SLC34A3: variants seen among roughly 807,000 people sequenced by gnomAD.
SLC34A3 encodes sodium-dependent phosphate transport protein 2C.
In SLC34A3, 60 loss-of-function variants were observed where a neutral mutation model predicts 43.9. The observed-to-expected ratio is 1.37, with a 90% CI of 1.11 to 1.70. SLC34A3 has a LOEUF of 1.70. Ranked by LOEUF, SLC34A3 falls within the 40% of genes most tolerant of loss-of-function variation. The pLI is 0.00. For missense variants in SLC34A3, 969 were observed against 823.8 expected (o/e 1.18, Z -2.16); for synonymous variants, 451 against 386.2 (o/e 1.17, Z -1.97).
chr9:137,230,553 G>A (rs1041227907), upstream of SLC34A3, among the ~76,000 whole-genome samples: 78 of 152,324 alleles, frequency 5.1e-4, no homozygotes, highest in African/African-American at 1.8e-3. Context: ...CTCCCGGGCA[G>A]CCCCAGCCAT....
In SLC34A3 at chr9:137,236,190, T is replaced by C. The variant is rs1431328221; in HGVS notation, c.1574T>C (p.Val525Ala). 1.2e-6 allele frequency: 2 copies of C among 1,601,688 alleles called. No homozygotes were observed. Among genetic ancestry groups the C allele is most frequent in the Admixed American group, 3.4e-5 (2 of 58,914 alleles). ...GTCGGGGGTCCCCTGGTGGGGCTGGTGCTCCTCGTCATCCTGGTTACTGTC... is the reference window on the plus strand; with the variant it reads ...GTCGGGGGTCCCCTGGTGGGGCTGGCGCTCCTCGTCATCCTGGTTACTGTC... ...AAVGGPLVGL[V>A]LLVILVTVLQ... The change falls in exon 13 of 13, where the codon GTG (valine) becomes GCG (alanine). Residue 525 changes from valine (V) to alanine (A), a missense_variant. Val to Ala is a moderately conservative substitution (Grantham distance 64). Transcript: ENST00000673835.
At position 137,233,859 on chromosome 9, in the gene SLC34A3, C is replaced by T. The variant is rs367757493; in HGVS notation, c.847-4C>T. On this transcript the variant is annotated splice_region_variant and splice_polypyrimidine_tract_variant and intron_variant, in intron 8 of 12. Transcript: ENST00000673835. ...CTGTCCTGAGTCCTCCCTGCCCTCC[C>T]CAGACCCAGGAGAACAGCAGCTGTG... The T allele has an allele frequency of 1.9e-6, 3 of 1,607,804 alleles. No individual in the cohort carries two copies. The highest frequency in any genetic ancestry group is 2.2e-5 in the East Asian group (1 of 44,688).
At position 137,232,696 on chromosome 9, in the gene SLC34A3, G is replaced by A; in HGVS notation, c.297G>A (p.Leu99=). 6.2e-7 allele frequency: 1 copy of A among 1,612,946 alleles called. No homozygotes were observed. The highest frequency in any genetic ancestry group is 2.2e-5 in the East Asian group (1 of 44,884). ...SLDVLSSAFQ[L]LGSKVAGDIF... ...ACGTCCTCAGCTCCGCCTTCCAGCT[G>A]CTGGGCAGTGAGTGACGGGACGGGT... is the stretch of plus-strand genomic sequence containing the variant. The change falls in exon 4 of 13, where the codon CTG becomes CTA. Residue 99 remains leucine (L), a synonymous_variant. Coordinates refer to ENST00000673835, the MANE Select transcript of SLC34A3 (RefSeq NM_001177316.2).
At chr9:137,229,908 C>T (rs1157738459), upstream of SLC34A3, among the ~76,000 whole-genome samples, 1 of 152,154 alleles carries the variant, frequency 6.6e-6, no homozygotes, top group Admixed American at 6.5e-5. Context: ...CACCCCCACC[C>T]CCACTGGAAC....
At chr9:137,230,516 T>C (rs1248341212), upstream of SLC34A3, among the ~76,000 whole-genome samples, 1 of 152,158 alleles carries the variant, frequency 6.6e-6, no homozygotes, top group East Asian at 1.9e-4. Context: ...CTGAGGTGCA[T>C]GGAAGTGGGG....
chr9:137,234,504 C>T lies in SLC34A3; in HGVS notation c.1182C>T (p.Val394=), dbSNP rs1263669904. The T allele has an allele frequency of 6.2e-7, 1 of 1,604,894 alleles. No homozygotes were observed. The highest frequency in any genetic ancestry group is 8.5e-7 in the Non-Finnish European group (1 of 1,178,512). ...GLTFALQSSS[V]FTAAVVPLMG... is the part of the protein sequence containing the mutation. ...CCTTCGCACTGCAGAGCAGCAGCGT[C>T]TTCACGGCGGCCGTCGTGCCCCTCA... Residue 394 remains valine (V), a synonymous_variant, in exon 11 of 13, where the codon GTC becomes GTT. Transcript: ENST00000673835. The surrounding 1 kb of genome is among the most constrained non-coding windows in gnomAD (Gnocchi z 6.9).
intron 1 of SLC34A3, 124 bp from the exon 2 acceptor site, chr9:137,231,540 G>A: frequency 1.4e-6 from 1 of 698,130 alleles, no homozygotes; most frequent in East Asian, 2.6e-5. Context: ...AGGCCTGCAG[G>A]GCGTAGAGAG....
chr9:137,233,574 G>T, intron 7 of SLC34A3, 59 bp from the exon 8 acceptor site: 1 of 1,584,114 alleles, frequency 6.3e-7, no homozygotes, highest in South Asian at 1.1e-5. Flanking sequence ...GGGCGCCAGA[G>T]CCCCGGGTGA....
chr9:137,231,750 C>T lies in SLC34A3; in HGVS notation c.48C>T (p.Asp16=), dbSNP rs752084146. The change falls in exon 2 of 13, where the codon GAC becomes GAT. Residue 16 remains aspartate, a synonymous_variant. Coordinates refer to ENST00000673835, the MANE Select transcript of SLC34A3 (RefSeq NM_001177316.2). ...PGSQVPHPTL[D]AVDLVEKTLR... ...GCCAGGTCCCCCACCCCACTCTGGA[C>T]GCGGTTGACCTAGTGGAAAAGACTC... 22 of 1,613,186 alleles carry T rather than the reference C, an allele frequency of 1.4e-5. No homozygotes were observed. The highest frequency in any genetic ancestry group is 1.6e-4 in the Middle Eastern group (1 of 6,062).
intron 1 of SLC34A3, 103 bp from the exon 2 acceptor site, chr9:137,231,561 G>A (rs763269078): frequency 2.2e-4 from 170 of 757,734 alleles, no homozygotes; most frequent in Middle Eastern, 1.1e-3. Flanking sequence ...GGAGGGTGGC[G>A]GCCAAGGGCT....
intron 12 of SLC34A3, among the ~76,000 whole-genome samples, chr9:137,235,668 C>T (rs905394243): frequency 1.3e-5 from 2 of 152,224 alleles, no homozygotes; most frequent in African/African-American, 2.4e-5. Flanking sequence ...AGAGCCAGGT[C>T]GGAAGGTGCT....
Position 137,235,989 on chromosome 9 carries a change from T to C in SLC34A3, c.1373T>C (p.Ile458Thr). ...CACTTCTTCTTCAACCTGGCCGGCA[T>C]CCTGCTGTGGTACCTGGTGCCTGCA... is the stretch of plus-strand genomic sequence containing the variant. Reference protein sequence around the residue: ...LIHFFFNLAGILLWYLVPALR... With the variant: ...LIHFFFNLAGTLLWYLVPALR... Residue 458 changes from isoleucine (I) to threonine (T), a missense_variant, in exon 13 of 13, where the codon ATC becomes ACC. Transcript: ENST00000673835. 1 of 1,612,550 alleles carries C rather than the reference T, an allele frequency of 6.2e-7. No individual in the cohort carries two copies. Among genetic ancestry groups the C allele is most frequent in the South Asian group, 1.1e-5 (1 of 91,078 alleles).
rs1373464667 is a variant in SLC34A3 at position 137,232,889 on chromosome 9, C to T, written c.410C>T (p.Thr137Met). 31 of 1,610,298 alleles carry T rather than the reference C, an allele frequency of 1.9e-5. No homozygotes were observed. Among genetic ancestry groups the T allele is most frequent in the Admixed American group, 1.7e-4 (10 of 59,666 alleles). ...LVTALVQSSS[T>M]SSSIVVSMVA... The stretch of plus-strand genomic sequence containing the variant: ...ACAGCCCTGGTGCAGAGTTCCAGCA[C>T]GTCCTCCTCCATCGTGGTCAGCATG... Residue 137 changes from threonine (T) to methionine (M), a missense_variant, in exon 5 of 13, where the codon ACG becomes ATG. Coordinates refer to ENST00000673835, the MANE Select transcript of SLC34A3 (RefSeq NM_001177316.2).
rs201317245 is a variant in SLC34A3, at chr9:137,233,125, G to A, written c.560+10G>A. 4.4e-5 allele frequency: 71 copies of A among 1,605,296 alleles called. No individual in the cohort carries two copies. Among genetic ancestry groups the A allele is most frequent in the Non-Finnish European group, 5.8e-5 (68 of 1,177,376 alleles). ...GGGATGAATTTCAGAGGTGAGTTGT[G>A]GGTGGAAGGGCTGGGCTGGGGCTGC... On this transcript the variant is annotated intron_variant, in intron 6 of 12. Transcript: ENST00000673835.
At chr9:137,232,298 C>T (rs1314355304) in intron 3 of SLC34A3, 137 bp downstream of exon 3, 3 of 894,654 alleles carry the variant, frequency 3.4e-6, no homozygotes, top group Middle Eastern at 3.3e-4. Context: ...TCTGGGGAGA[C>T]ACGTGTCCCT....
Position 137,234,452 on chromosome 9 carries a change from T to C in SLC34A3, c.1130T>C (p.Leu377Pro), listed in dbSNP as rs922261737. ...CCGCTGGGCTGGCTCGGCGGCTACC[T>C]GGCCGTCCTCGCGGGCGCCGGCCTG... ...PFPLGWLGGYLAVLAGAGLTF... is the reference protein window; with the variant it reads ...PFPLGWLGGYPAVLAGAGLTF... Residue 377 changes from leucine (L) to proline (P), a missense_variant, in exon 11 of 13, where the codon CTG (leucine) becomes CCG (proline). By Grantham distance (98) the Leu-to-Pro change is moderately conservative. Transcript: ENST00000673835. The surrounding 1 kb of genome is among the most constrained non-coding windows in gnomAD (Gnocchi z 6.9). The C allele has an allele frequency of 1.1e-4, 177 of 1,599,342 alleles. No homozygotes were observed. The highest frequency in any genetic ancestry group is 1.5e-4 in the Non-Finnish European group (171 of 1,179,278).
Position 137,234,988 on chromosome 9 carries a change from T to TCA in SLC34A3, c.1335+257_1335+258insCA, listed in dbSNP as rs2131419649. On this transcript the variant is annotated intron_variant, in intron 12 of 12. Coordinates refer to ENST00000673835, the MANE Select transcript of SLC34A3 (RefSeq NM_001177316.2). This position sits in a 1 kb window ranked among gnomAD's most constrained non-coding sequence, Gnocchi z 6.9. The stretch of plus-strand genomic sequence containing the variant: ...TTTTCTCAGCTCTTTGCTGTGTCCC[T>TCA]GGGGGCCTGCCCCCAGCATCTCAGG... Among the ~76,000 whole-genome samples, 1 of 152,242 alleles carries TCA rather than the reference T, an allele frequency of 6.6e-6. No homozygotes were observed. The highest frequency in any genetic ancestry group is 2.4e-5 in the African/African-American group (1 of 41,560).
rs1316701244 is a variant in SLC34A3, at chr9:137,235,968, T to A, written c.1352T>A (p.Phe451Tyr). ...LSALQVALIH[F>Y]FFNLAGILLW... ...CGCCCCCAGGTCGCCCTCATCCACT[T>A]CTTCTTCAACCTGGCCGGCATCCTG... Residue 451 changes from phenylalanine to tyrosine, a missense_variant, in exon 13 of 13, where the codon TTC becomes TAC. Transcript: ENST00000673835. 8 of 1,611,936 alleles carry A rather than the reference T, an allele frequency of 5.0e-6. No homozygotes were observed. Among genetic ancestry groups the A allele is most frequent in the South Asian group, 1.1e-5 (1 of 91,060 alleles).
rs759155749 is a variant in SLC34A3 at position 137,234,428 on chromosome 9, C to T, written c.1106C>T (p.Pro369Leu). ...GCATCCCCCACAGACTTCCCCTTCC[C>T]GCTGGGCTGGCTCGGCGGCTACCTG... ...RTVINADFPF[P>L]LGWLGGYLAV... Residue 369 changes from proline (P) to leucine (L), a missense_variant, in exon 11 of 13, where the codon CCG (proline) becomes CTG (leucine). Physicochemically the swap from Pro to Leu is moderately conservative, Grantham distance 98. Coordinates refer to ENST00000673835, the MANE Select transcript of SLC34A3 (RefSeq NM_001177316.2). This position sits in a 1 kb window ranked among gnomAD's most constrained non-coding sequence, Gnocchi z 6.9. 18 of 1,598,888 alleles carry T rather than the reference C, an allele frequency of 1.1e-5. No homozygotes were observed. Among genetic ancestry groups the T allele is most frequent in the Admixed American group, 5.0e-5 (3 of 59,926 alleles).
Sources: gnomAD v4.1 joint callset for allele counts (sites outside exome capture counted in the v4.1 genomes callset) on GRCh38, gnomAD v4.1.1 for gene constraint, Gnocchi (gnomAD v3.1) non-coding constraint, MANE v1.5 for transcripts, NCBI Gene and HGNC (gene_info 2026-07-23, HGNC 2026-07-21) for gene names.